The following NCAM2 variants were observed in gnomAD, a reference collection of about 807,000 sequenced individuals.
NCAM2 encodes the protein neural cell adhesion molecule 2.
A neutral mutation model predicts 98.1 loss-of-function variants in NCAM2; 30 were observed. The observed-to-expected ratio is 0.31, with a 90% CI of 0.23 to 0.41. NCAM2 has a LOEUF of 0.41. Among genes scored for constraint, NCAM2 ranks in the 10% least tolerant of loss-of-function variants. NCAM2 has a pLI of 1.00. For missense variants in NCAM2, 867 were observed against 1,005.8 expected, an observed-to-expected ratio of 0.86 and a Z score of 1.87; for synonymous variants, 368 against 342.4, an observed-to-expected ratio of 1.07 and a Z score of -0.83.
chr21:21,528,128 C>T (rs986611087), intron 16 of NCAM2, among the ~76,000 whole-genome samples: 2 of 152,044 alleles, frequency 1.3e-5, no homozygotes, highest in Admixed American at 1.3e-4. Flanking sequence ...AACTATATGA[C>T]AAATATAGTT....
At chr21:21,520,464 A>G (rs1211500681) in intron 16 of NCAM2, among the ~76,000 whole-genome samples, 1 of 152,110 alleles carries the variant, frequency 6.6e-6, no homozygotes, top group African/African-American at 2.4e-5. Context: ...ACTGTGTAAA[A>G]GGCTTTGTTA....
intron 1 of NCAM2, among the ~76,000 whole-genome samples, chr21:21,234,028 A>G (rs1357499235): frequency 6.6e-6 from 1 of 151,830 alleles, no homozygotes; most frequent in Non-Finnish European, 1.5e-5. Context: ...TTTTACATTT[A>G]CAAGTGCTCA....
At chr21:21,260,752 A>G (rs1007938803) in intron 1 of NCAM2, among the ~76,000 whole-genome samples, 2 of 152,196 alleles carry the variant, frequency 1.3e-5, no homozygotes, top group East Asian at 3.9e-4. Flanking sequence ...TAATAAAAGC[A>G]TATGTAAGTA....
intron 14 of NCAM2, among the ~76,000 whole-genome samples, chr21:21,470,109 G>T (rs1444831086): frequency 2.6e-5 from 4 of 152,040 alleles, no homozygotes; most frequent in Admixed American, 2.6e-4. Context: ...GTGAGACAAC[G>T]TGTTGTATAT....
chr21:21,177,889 A>T (rs764933212), intron 1 of NCAM2, among the ~76,000 whole-genome samples: 11 of 152,128 alleles, frequency 7.2e-5, no homozygotes, highest in South Asian at 2.1e-4. Context: ...ATTGACCATA[A>T]CTGCTTTTGC....
chr21:21,500,366 G>A (rs1987548247), intron 15 of NCAM2, among the ~76,000 whole-genome samples: 1 of 152,072 alleles, frequency 6.6e-6, no homozygotes, highest in Non-Finnish European at 1.5e-5. Context: ...TATCCATTTA[G>A]GGATGCACTA....
At chr21:21,365,112 G>T (rs2588656) in intron 8 of NCAM2, among the ~76,000 whole-genome samples, 4,443 of 152,194 alleles carry the variant, frequency 0.029, 195 homozygotes, top group African/African-American at 0.1. Flanking sequence ...GCTGGAATTC[G>T]CACAGTGGGG....
At chr21:21,152,964 C>A (rs1268290964) in intron 1 of NCAM2, among the ~76,000 whole-genome samples, 1 of 151,916 alleles carries the variant, frequency 6.6e-6, no homozygotes, top group Non-Finnish European at 1.5e-5. Context: ...GTGCCATTTT[C>A]CCCCTCAGTA....
At chr21:21,326,919 G>C (rs1471409978) in intron 6 of NCAM2, among the ~76,000 whole-genome samples, 1 of 152,118 alleles carries the variant, frequency 6.6e-6, no homozygotes, top group Non-Finnish European at 1.5e-5. Flanking sequence ...ATTCCTGAAA[G>C]TATCAGGAAA....
intron 1 of NCAM2, among the ~76,000 whole-genome samples, chr21:21,148,610 A>T (rs1397005405): frequency 1.3e-5 from 2 of 152,186 alleles, no homozygotes; most frequent in African/African-American, 2.4e-5. Flanking sequence ...TCAAAAGTAG[A>T]TAAGAATCCT....
At chr21:21,515,901 T>C (rs1216177869) in intron 16 of NCAM2, among the ~76,000 whole-genome samples, 1 of 152,196 alleles carries the variant, frequency 6.6e-6, no homozygotes, top group African/African-American at 2.4e-5. Context: ...TTTGTATTCC[T>C]TGCCTATAAA....
At chr21:21,285,282 G>C (rs868665681) in intron 3 of NCAM2, among the ~76,000 whole-genome samples, 1 of 151,680 alleles carries the variant, frequency 6.6e-6, no homozygotes, top group Non-Finnish European at 1.5e-5. Flanking sequence ...CTGTAGCTTT[G>C]TGTTTTGTTT....
At chr21:21,329,267 T>A (rs1336914863) in intron 6 of NCAM2, among the ~76,000 whole-genome samples, 1 of 152,082 alleles carries the variant, frequency 6.6e-6, no homozygotes, top group Admixed American at 6.6e-5. Context: ...TTATACCATA[T>A]TTTTTACTGT....
chr21:21,507,880 C>T (rs1988092581), intron 15 of NCAM2, among the ~76,000 whole-genome samples: 1 of 149,974 alleles, frequency 6.7e-6, no homozygotes, highest in Non-Finnish European at 1.5e-5. Context: ...AATTATATTT[C>T]TTCCTTATTC....
At chr21:21,269,953 A>G (rs2072431356) in intron 1 of NCAM2, among the ~76,000 whole-genome samples, 1 of 152,152 alleles carries the variant, frequency 6.6e-6, no homozygotes, top group Non-Finnish European at 1.5e-5. Flanking sequence ...TTGATTTCTG[A>G]TTTGTCAGGT....
At chr21:21,412,151 C>A (rs150296376) in intron 10 of NCAM2, among the ~76,000 whole-genome samples, 1 of 152,136 alleles carries the variant, frequency 6.6e-6, no homozygotes, top group African/African-American at 2.4e-5. Context: ...TATCATGGTG[C>A]CTGCCAGGTT....
chr21:21,372,764 T>C (rs959860985), intron 8 of NCAM2, among the ~76,000 whole-genome samples: 15 of 151,784 alleles, frequency 9.9e-5, no homozygotes, highest in African/African-American at 3.4e-4. Flanking sequence ...TTTTCCAGAA[T>C]TTATGTTAAT....
At chr21:21,100,294 A>T (rs1601366840) in intron 1 of NCAM2, among the ~76,000 whole-genome samples, 3 of 152,050 alleles carry the variant, frequency 2.0e-5, no homozygotes, top group East Asian at 3.9e-4. Flanking sequence ...GGGACCAAGG[A>T]TTTACAAATT....
At chr21:21,448,488 G>C (rs1470135719) in intron 12 of NCAM2, among the ~76,000 whole-genome samples, 1 of 151,704 alleles carries the variant, frequency 6.6e-6, no homozygotes, top group African/African-American at 2.4e-5. Context: ...ACCTGCACCT[G>C]TATCCTGGAA....
Sources: gnomAD v4.1 joint callset for allele counts (sites outside exome capture counted in the v4.1 genomes callset) on GRCh38, gnomAD v4.1.1 for gene constraint, MANE v1.5 for transcripts, NCBI Gene and HGNC (gene_info 2026-07-23, HGNC 2026-07-21) for gene names.